Variants in MUC20 observed in about 807,000 individuals in gnomAD.
The protein encoded by MUC20 is mucin 20, cell surface associated.
In MUC20, 14 loss-of-function variants were observed where a neutral mutation model predicts 23.8. The observed-to-expected ratio is 0.59, with a 90% CI of 0.39 to 0.92. MUC20 has a LOEUF of 0.92. Ranked by LOEUF, MUC20 falls within the 40% of genes least tolerant of loss-of-function variation. The pLI, the probability that MUC20 is intolerant of heterozygous loss-of-function variation, is 0.00. For missense variants in MUC20, 375 were observed against 668.8 expected, an observed-to-expected ratio of 0.56 and a Z score of 4.85; for synonymous variants, 166 against 279.3, an observed-to-expected ratio of 0.59 and a Z score of 4.04.
At chr3:195,732,579 C>T (rs189810030) in intron 3 of MUC20, among the ~76,000 whole-genome samples, 2 of 152,264 alleles carry the variant, frequency 1.3e-5, no homozygotes, top group Admixed American at 6.5e-5. Context: ...AGGCTGGTCT[C>T]GAACTCCTGA....
At position 195,726,150 on chromosome 3, in the gene MUC20, C is replaced by G. The variant is rs548603585; in HGVS notation, c.1547C>G (p.Thr516Arg). 4 of 1,608,968 alleles carry G rather than the reference C, an allele frequency of 2.5e-6. No homozygotes were observed. The highest frequency in any genetic ancestry group is 3.4e-6 in the Non-Finnish European group (4 of 1,176,230). ...AGAGAAGTGACAGCACCCGGGGCCA[C>G]GACCCTCAGTGGAGCTCTGGTCACA... Reference protein sequence around the residue: ...TEREVTAPGATTLSGALVTVS... With the variant: ...TEREVTAPGARTLSGALVTVS... The change falls in exon 2 of 4, where the codon ACG (threonine) becomes AGG (arginine). Residue 516 changes from threonine (T) to arginine (R), a missense_variant. Coordinates refer to ENST00000447234, the MANE Select transcript of MUC20 (RefSeq NM_001282506.2).
At chr3:195,727,808 C>G (rs1437836260) in intron 2 of MUC20, among the ~76,000 whole-genome samples, 2 of 151,650 alleles carry the variant, frequency 1.3e-5, no homozygotes, top group African/African-American at 4.9e-5. Context: ...TATATGTTAT[C>G]TGATGCCAGG....
intron 3 of MUC20, among the ~76,000 whole-genome samples, chr3:195,732,348 C>T (rs150187308): frequency 8.1e-6 from 1 of 124,132 alleles, no homozygotes; most frequent in Non-Finnish European, 1.8e-5. Flanking sequence ...TTTTCTTTCT[C>T]TTTTTCTTTT....
In MUC20 at chr3:195,726,388, A is replaced by C. The variant is rs1413104351; in HGVS notation, c.1785A>C (p.Ala595=). ...CAGAGACACCGACCATGGACATCGC[A>C]ACCAAGGGGCCCTTCCCCACCAGCA... ...TPSETPTMDI[A]TKGPFPTSRD... is the part of the protein sequence containing the mutation. The change falls in exon 2 of 4, where the codon GCA becomes GCC. Residue 595 remains alanine, a synonymous_variant. Coordinates refer to ENST00000447234, the MANE Select transcript of MUC20 (RefSeq NM_001282506.2). 2 of 1,613,942 alleles carry C rather than the reference A, an allele frequency of 1.2e-6. No homozygotes were observed. Among genetic ancestry groups the C allele is most frequent in the Non-Finnish European group, 1.7e-6 (2 of 1,179,846 alleles).
chr3:195,726,060 C>A lies in MUC20; in HGVS notation c.1457C>A (p.Thr486Asn), dbSNP rs1712602774. The A allele has an allele frequency of 3.7e-6, 6 of 1,613,780 alleles. No homozygotes were observed. Among genetic ancestry groups the A allele is most frequent in the Non-Finnish European group, 4.2e-6 (5 of 1,179,800 alleles). Reference protein sequence around the residue: ...ASAETLSTAGTTESAAPDATV... With the variant: ...ASAETLSTAGNTESAAPDATV... ...GCCGAGACCCTGTCCACAGCCGGCA[C>A]CACAGAGTCAGCTGCACCTGATGCC... Residue 486 changes from threonine to asparagine, a missense_variant, in exon 2 of 4, where the codon ACC becomes AAC. This residue lies in a region of MUC20 where 343 missense variants were observed against 340.2 expected (regional missense o/e 1.01). Coordinates refer to ENST00000447234, the MANE Select transcript of MUC20 (RefSeq NM_001282506.2).
chr3:195,731,125 C>T (rs369483630), intron 3 of MUC20, among the ~76,000 whole-genome samples: 3 of 152,244 alleles, frequency 2.0e-5, no homozygotes, highest in Non-Finnish European at 4.4e-5. Flanking sequence ...TTTGACAGTG[C>T]CCTTGCTAAT....
intron 2 of MUC20, chr3:195,729,399 C>A: frequency 2.1e-6 from 1 of 475,586 alleles, no homozygotes; most frequent in East Asian, 3.7e-5. Context: ...TCACCACAAC[C>A]TCCGCCTCCC....
intron 1 of MUC20, among the ~76,000 whole-genome samples, chr3:195,721,337 C>A (rs139168310): frequency 0.027 from 3,969 of 149,558 alleles, 18 homozygotes; most frequent in African/African-American, 0.059. Flanking sequence ...GTGCCTGGCG[C>A]TGCAGTACAC....
At position 195,720,989 on chromosome 3, in the gene MUC20, G is replaced by C. The variant is rs7627916; in HGVS notation, c.-19G>C. The C allele has an allele frequency of 6.6e-7, 1 of 1,525,596 alleles. No homozygotes were observed. Among genetic ancestry groups the C allele is most frequent in the Non-Finnish European group, 8.9e-7 (1 of 1,121,168 alleles). 94.5% of individuals were successfully genotyped at this position (1,525,596 alleles called of 1,614,324 possible). ...GAGAGACAGCCAGCAGTTCTGTGGA[G>C]CAGCGGTGGCCGGCTAGGATGGGCT... On this transcript the variant is annotated 5_prime_UTR_variant, in exon 1 of 4. Transcript: ENST00000447234.
chr3:195,729,404 C>T (rs1713119486), intron 2 of MUC20: 1 of 500,158 alleles, frequency 2.0e-6, no homozygotes, highest in African/African-American at 2.0e-5. Flanking sequence ...ACAACCTCCG[C>T]CTCCCAGGTT....
intron 2 of MUC20, 25 bp downstream of exon 2, chr3:195,726,597 T>A: frequency 6.3e-7 from 1 of 1,593,806 alleles, no homozygotes; most frequent in Non-Finnish European, 8.6e-7. Context: ...CTGGTGATCT[T>A]CGGGGATTTG....
chr3:195,730,099 C>CAAAAAAAAAAAAAAAAAAAAAA (rs4036961), intron 3 of MUC20: 1 of 92,992 alleles, frequency 1.1e-5, no homozygotes. Flanking sequence ...GCAGTTTATG[C>CAAAAAAAAAAAAAAAAAAAAAA]AAAAAAAAAA....
intron 3 of MUC20, among the ~76,000 whole-genome samples, chr3:195,731,251 G>A (rs1354753622): frequency 6.6e-6 from 1 of 152,234 alleles, no homozygotes; most frequent in African/African-American, 2.4e-5. Flanking sequence ...CTGAAAAGTG[G>A]CTCAGGCTTC....
At chr3:195,730,640 G>A (rs1223198258) in intron 3 of MUC20, among the ~76,000 whole-genome samples, 3 of 152,060 alleles carry the variant, frequency 2.0e-5, no homozygotes, top group East Asian at 1.9e-4. Flanking sequence ...ATGAGCCACC[G>A]CACCCGGCCC....
chr3:195,731,438 G>C lies in MUC20; in HGVS notation c.2061+1699G>C, dbSNP rs574595508. Reference sequence around the variant, plus strand: ...AGGCGAAAGAAAACCTCTGTCTGTCGTAAGTAAAAGGGGGATTTGTTGGCA... The same window carrying C: ...AGGCGAAAGAAAACCTCTGTCTGTCCTAAGTAAAAGGGGGATTTGTTGGCA... On this transcript the variant is annotated intron_variant, in intron 3 of 3. Transcript: ENST00000447234. 2.6e-5 allele frequency among the ~76,000 whole-genome samples: 4 copies of C among 152,380 alleles called. No homozygotes were observed. The South Asian group carries it at 6.2e-4, about 24-fold the overall frequency.
chr3:195,726,004 A>G lies in MUC20; in HGVS notation c.1401A>G (p.Ala467=). The part of the protein sequence containing the change: ...DPPALPDSTE[A]KPHITEVTAS... ...CAGCTCTGCCTGACTCCACTGAAGC[A>G]AAACCACACATCACTGAGGTCACAG... Residue 467 remains alanine, a synonymous_variant, in exon 2 of 4, where the codon GCA becomes GCG. Coordinates refer to ENST00000447234, the MANE Select transcript of MUC20 (RefSeq NM_001282506.2). 3 of 1,614,040 alleles carry G rather than the reference A, an allele frequency of 1.9e-6. No individual in the cohort carries two copies. Among genetic ancestry groups the G allele is most frequent in the Non-Finnish European group, 2.5e-6 (3 of 1,179,890 alleles).
chr3:195,723,500 A>C (rs1263560388), intron 1 of MUC20, among the ~76,000 whole-genome samples: 4 of 116,250 alleles, frequency 3.4e-5, no homozygotes, highest in Non-Finnish European at 7.3e-5. Context: ...CAGATAAAAC[A>C]CAGGGCATCC....
At chr3:195,729,890 C>G (rs1167722325) in intron 3 of MUC20, 151 bp downstream of exon 3, 5 of 765,044 alleles carry the variant, frequency 6.5e-6, no homozygotes, top group African/African-American at 5.2e-5. Context: ...ATCTGAGGAT[C>G]TCTGCCTGGC....
chr3:195,721,346 A>G (rs564356900), intron 1 of MUC20, among the ~76,000 whole-genome samples: 2 of 152,064 alleles, frequency 1.3e-5, no homozygotes, highest in Non-Finnish European at 2.9e-5. Context: ...GCTGCAGTAC[A>G]CGCTAATCAA....
Sources: gnomAD v4.1 joint callset for allele counts (sites outside exome capture counted in the v4.1 genomes callset) on GRCh38, gnomAD v4.1.1 for gene constraint, gnomAD v4.1.1 regional missense constraint, MANE v1.5 for transcripts, NCBI Gene and HGNC (gene_info 2026-07-23, HGNC 2026-07-21) for gene names.